Variants in MAP2K7 observed in about 807,000 individuals in gnomAD.
MAP2K7 encodes dual specificity mitogen-activated protein kinase kinase 7.
Under a neutral mutation model 47.7 loss-of-function variants are expected in MAP2K7, and 12 were observed. The observed-to-expected ratio is 0.25, with a 90% CI of 0.16 to 0.41. The LOEUF (loss-of-function observed/expected upper bound fraction) is 0.41, where lower values mean the gene tolerates loss of function less well. MAP2K7 is among the 10% of genes least tolerant of loss of function. The pLI is 1.00. For missense variants in MAP2K7, 415 were observed against 600.3 expected (o/e 0.69, Z 3.23); for synonymous variants, 299 against 243.0 (o/e 1.23, Z -2.14).
Position 7,911,643 on chromosome 19 carries a change from A to G in MAP2K7, c.1079+65A>G. On this transcript the variant is annotated intron_variant, in intron 9 of 10. Coordinates refer to ENST00000397979, the MANE Select transcript of MAP2K7 (RefSeq NM_145185.4). ...GCTGCTCTGGGCAGCTGGGGAGGCAATGGCAGGAGGGGAATGGAGGCCGCA... is the reference window on the plus strand; with the variant it reads ...GCTGCTCTGGGCAGCTGGGGAGGCAGTGGCAGGAGGGGAATGGAGGCCGCA... 10 of 1,481,770 alleles carry G rather than the reference A, an allele frequency of 6.7e-6. No homozygotes were observed. In the South Asian group the frequency reaches 1.2e-4, roughly 18 times the overall value. The allele number at this position is 1,481,770 out of a possible 1,614,324, so 91.8% of individuals were successfully genotyped here. A position where few individuals can be genotyped will look rare whatever the true frequency, so the allele number is the denominator to read the frequency against.
At chr19:7,911,627 G>A in intron 9 of MAP2K7, 49 bp downstream of exon 9, 1 of 1,520,478 alleles carries the variant, frequency 6.6e-7, no homozygotes, top group Non-Finnish European at 8.8e-7. Flanking sequence ...CGCTGCTCTG[G>A]GCAGCTGGGG....
chr19:7,911,175 C>G lies in MAP2K7; in HGVS notation c.855+16C>G. ...CTACATGGCAGTGAGTGGGGGCCCC[C>G]CAGCGGGGGAGGGGGTGGGGGCTGG... is the stretch of plus-strand genomic sequence containing the variant. On this transcript the variant is annotated intron_variant, in intron 7 of 10. Coordinates refer to ENST00000397979, the MANE Select transcript of MAP2K7 (RefSeq NM_145185.4). 1 of 1,608,140 alleles carries G rather than the reference C, an allele frequency of 6.2e-7. No homozygotes were observed. Among genetic ancestry groups the G allele is most frequent in the Non-Finnish European group, 8.5e-7 (1 of 1,177,174 alleles).
At chr19:7,907,630 A>C (rs1982550650) in intron 1 of MAP2K7, among the ~76,000 whole-genome samples, 1 of 151,444 alleles carries the variant, frequency 6.6e-6, no homozygotes, top group Non-Finnish European at 1.5e-5. Context: ...GCCTACCTGA[A>C]CCCTCCCTTC....
In MAP2K7 at chr19:7,912,603, A is replaced by T. The variant is rs1982971323; in HGVS notation, c.*172A>T. 1 of 694,696 alleles carries T rather than the reference A, an allele frequency of 1.4e-6. No individual in the cohort carries two copies. Among genetic ancestry groups the T allele is most frequent in the Non-Finnish European group, 2.1e-6 (1 of 466,792 alleles). The allele number at this position is 694,696 out of a possible 1,614,324, so 43.0% of individuals were successfully genotyped here. On this transcript the variant is annotated 3_prime_UTR_variant, in exon 11 of 11. Transcript: ENST00000397979. ...CACCCCCCCCGCCCCGGGCCTACCAAGCCCCCGCCCTTCCCACCCCGGGGT... is the reference window on the plus strand; with the variant it reads ...CACCCCCCCCGCCCCGGGCCTACCATGCCCCCGCCCTTCCCACCCCGGGGT...
chr19:7,911,242 C>CA lies in MAP2K7; in HGVS notation c.856-8_856-7insA. On this transcript the variant is annotated splice_region_variant and splice_polypyrimidine_tract_variant and intron_variant, in intron 7 of 10. Coordinates refer to ENST00000397979, the MANE Select transcript of MAP2K7 (RefSeq NM_145185.4). ...TTGGAGATACGTCTTCTCCTCCCCCCCCTGCAGCCCGAGCGCATTGACCCC... is the reference window on the plus strand; with the variant it reads ...TTGGAGATACGTCTTCTCCTCCCCCCACCTGCAGCCCGAGCGCATTGACCCC... The CA allele has an allele frequency of 6.2e-7, 1 of 1,610,062 alleles. No individual in the cohort carries two copies. The highest frequency in any genetic ancestry group is 1.1e-5 in the South Asian group (1 of 90,996).
In MAP2K7 at chr19:7,912,069, G is replaced by C. The variant is rs1422407862; in HGVS notation, c.1080-80G>C. The C allele has an allele frequency of 1.2e-5, 16 of 1,373,718 alleles. No individual in the cohort carries two copies. The Middle Eastern group carries it at 5.4e-4, about 47-fold the overall frequency. The allele number at this position is 1,373,718 out of a possible 1,614,324, so 85.1% of individuals were successfully genotyped here. On this transcript the variant is annotated intron_variant, in intron 9 of 10. Transcript: ENST00000397979. ...CATCTTGGGGACCCCTGGCCCCTTGGGGAGGGCCTGAGCACAGGGGTGGGG... is the reference window on the plus strand; with the variant it reads ...CATCTTGGGGACCCCTGGCCCCTTGCGGAGGGCCTGAGCACAGGGGTGGGG...
chr19:7,906,120 G>A (rs957517218), intron 1 of MAP2K7: 1 of 528,006 alleles, frequency 1.9e-6, no homozygotes, highest in African/African-American at 1.9e-5. Flanking sequence ...CCACTGAATG[G>A]GAGTCTGTGG....
Position 7,911,169 on chromosome 19 carries a change from G to C in MAP2K7, c.855+10G>C, listed in dbSNP as rs200132456. Reference sequence around the variant, plus strand: ...TGCCGCCTACATGGCAGTGAGTGGGGGCCCCCCAGCGGGGGAGGGGGTGGG... The same window carrying C: ...TGCCGCCTACATGGCAGTGAGTGGGCGCCCCCCAGCGGGGGAGGGGGTGGG... On this transcript the variant is annotated intron_variant, in intron 7 of 10. Coordinates refer to ENST00000397979, the MANE Select transcript of MAP2K7 (RefSeq NM_145185.4). 9,400 of 1,608,770 alleles carry C rather than the reference G, an allele frequency of 5.8e-3. 40 individuals carry two copies. Among genetic ancestry groups the C allele is most frequent in the Non-Finnish European group, 7.1e-3 (8,354 of 1,177,506 alleles).
chr19:7,910,229 A>G (rs1467764385), intron 3 of MAP2K7, 31 bp from the exon 4 acceptor site: 1 of 1,608,430 alleles, frequency 6.2e-7, no homozygotes, highest in Non-Finnish European at 8.5e-7. Context: ...CAGAGGCCCC[A>G]GGGACCCTCC....
chr19:7,903,906 G>T lies in MAP2K7; in HGVS notation c.-39G>T. 1 of 1,451,758 alleles carries T rather than the reference G, an allele frequency of 6.9e-7. No homozygotes were observed. Among genetic ancestry groups the T allele is most frequent in the Non-Finnish European group, 9.2e-7 (1 of 1,091,114 alleles). The allele number at this position is 1,451,758 out of a possible 1,614,324, so 89.9% of individuals were successfully genotyped here. ...CGGTGTTTGTCTGCCGGACTGACGG[G>T]CGGCCGGGCGGTGCGCGGCGGCGGT... On this transcript the variant is annotated 5_prime_UTR_variant, in exon 1 of 11. Transcript: ENST00000397979.
Position 7,912,587 on chromosome 19 carries a change from C to A in MAP2K7, c.*156C>A, listed in dbSNP as rs564323513. ...GTGGGGGGTGCCCACCCACCCCCCC[C>A]GCCCCGGGCCTACCAAGCCCCCGCC... is the stretch of plus-strand genomic sequence containing the variant. On this transcript the variant is annotated 3_prime_UTR_variant, in exon 11 of 11. Transcript: ENST00000397979. 85 of 867,622 alleles carry A rather than the reference C, an allele frequency of 9.8e-5. No individual in the cohort carries two copies. Among genetic ancestry groups the A allele is most frequent in the Non-Finnish European group, 1.2e-4 (69 of 583,804 alleles). The allele number at this position is 867,622 out of a possible 1,614,324, so 53.7% of individuals were successfully genotyped here.
At position 7,912,111 on chromosome 19, in the gene MAP2K7, C is replaced by T. The variant is rs780138053; in HGVS notation, c.1080-38C>T. 22 of 1,606,234 alleles carry T rather than the reference C, an allele frequency of 1.4e-5. No individual in the cohort carries two copies. The East Asian group carries it at 4.9e-4, about 36-fold the overall frequency. Reference sequence around the variant, plus strand: ...GGGGTGGGGCCGGCATCCCCTCCTCCCTCGTTCTCACATCTGTCTTCCCTT... The same window carrying T: ...GGGGTGGGGCCGGCATCCCCTCCTCTCTCGTTCTCACATCTGTCTTCCCTT... On this transcript the variant is annotated intron_variant, in intron 9 of 10. Transcript: ENST00000397979.
rs1393160324 is a variant in MAP2K7 at position 7,909,857 on chromosome 19, G to A, written c.227G>A (p.Gly76Glu). 4.5e-6 allele frequency: 7 copies of A among 1,538,964 alleles called. No individual in the cohort carries two copies. The Admixed American group carries it at 1.4e-4, about 31-fold the overall frequency. ...CCCGCCCGGCCCCGCCACATGCTGG[G>A]GCTCCCGTCAACCCTGTTCACACCC... is the stretch of plus-strand genomic sequence containing the variant. ...TPPARPRHML[G>E]LPSTLFTPRS... The change falls in exon 2 of 11, where the codon GGG (glycine) becomes GAG (glutamate). Residue 76 changes from glycine to glutamate, a missense_variant. Gly to Glu is a moderately conservative substitution (Grantham distance 98). Transcript: ENST00000397979.
At position 7,914,101 on chromosome 19, in the gene MAP2K7, A is replaced by C. The variant is rs990113738; in HGVS notation, c.*1670A>C. 6.6e-6 allele frequency: 1 copy of C among 152,172 alleles called. No individual in the cohort carries two copies. Among genetic ancestry groups the C allele is most frequent in the African/African-American group, 2.4e-5 (1 of 41,432 alleles). 9.4% of individuals were successfully genotyped at this position (152,172 alleles called of 1,614,324 possible). On this transcript the variant is annotated 3_prime_UTR_variant, in exon 11 of 11. Coordinates refer to ENST00000397979, the MANE Select transcript of MAP2K7 (RefSeq NM_145185.4). ...CCATGGGGGCCTCTGCGATTGCCGGAAGGTTGCATGGCTGGTCCCAGGGCC... is the reference window on the plus strand; with the variant it reads ...CCATGGGGGCCTCTGCGATTGCCGGCAGGTTGCATGGCTGGTCCCAGGGCC...
intron 1 of MAP2K7, chr19:7,905,840 C>A: frequency 6.2e-7 from 1 of 1,612,684 alleles, no homozygotes; most frequent in South Asian, 1.1e-5. Context: ...TGCTCCTGCC[C>A]CGTCCCAACG....
chr19:7,909,751 C>T lies in MAP2K7; in HGVS notation c.125-4C>T. 6.5e-7 allele frequency: 1 copy of T among 1,539,634 alleles called. No individual in the cohort carries two copies. On this transcript the variant is annotated splice_region_variant and splice_polypyrimidine_tract_variant and intron_variant, in intron 1 of 10. Transcript: ENST00000397979. ...CTCCCTGCCACTGGTTCTCACCCCCCTAGCCCTGCAGCTCCCGCTGGCCAA... is the reference window on the plus strand; with the variant it reads ...CTCCCTGCCACTGGTTCTCACCCCCTTAGCCCTGCAGCTCCCGCTGGCCAA...
chr19:7,910,902 C>T, intron 6 of MAP2K7, 78 bp from the exon 7 acceptor site: 1 of 1,582,556 alleles, frequency 6.3e-7, no homozygotes, highest in Non-Finnish European at 8.6e-7. Context: ...CGGTGAGTGG[C>T]CAGGTGGGGC....
rs928556213 is a variant in MAP2K7 at position 7,912,723 on chromosome 19, G to C, written c.*292G>C. Reference sequence around the variant, plus strand: ...TTCATTCAGCCGCAGCCTCTGGGCCGGGGCGGCCCCCAGGGGCCAGGAGAG... The same window carrying C: ...TTCATTCAGCCGCAGCCTCTGGGCCCGGGCGGCCCCCAGGGGCCAGGAGAG... On this transcript the variant is annotated 3_prime_UTR_variant, in exon 11 of 11. Transcript: ENST00000397979. 28 of 470,656 alleles carry C rather than the reference G, an allele frequency of 5.9e-5. 2 individuals are homozygous for C. The highest frequency in any genetic ancestry group is 5.9e-4 in the Middle Eastern group (1 of 1,690). The allele number at this position is 470,656 out of a possible 1,614,324, so 29.2% of individuals were successfully genotyped here.
At chr19:7,904,933 A>T (rs1433504664) in intron 1 of MAP2K7, among the ~76,000 whole-genome samples, 2 of 151,756 alleles carry the variant, frequency 1.3e-5, no homozygotes, top group African/African-American at 2.4e-5. Context: ...GCGCCCCAGC[A>T]TACATCCACC....
Sources: gnomAD v4.1 joint callset for allele counts (sites outside exome capture counted in the v4.1 genomes callset) on GRCh38, gnomAD v4.1.1 for gene constraint, MANE v1.5 for transcripts, NCBI Gene and HGNC (gene_info 2026-07-23, HGNC 2026-07-21) for gene names.